NDC1: variants seen among roughly 807,000 people sequenced by gnomAD.
The protein encoded by NDC1 is NDC1 transmembrane nucleoporin, also known as nucleoporin NDC1.
Under a neutral mutation model 89.8 loss-of-function variants are expected in NDC1, and 24 were observed. The observed-to-expected ratio is 0.27, with a 90% CI of 0.19 to 0.38. NDC1 has a LOEUF of 0.38. NDC1 is among the 10% of genes least tolerant of loss of function. NDC1 has a pLI of 1.00. For missense variants in NDC1, 728 were observed against 797.6 expected, an observed-to-expected ratio of 0.91 and a Z score of 1.05; for synonymous variants, 296 against 284.8, an observed-to-expected ratio of 1.04 and a Z score of -0.39.
In NDC1 at chr1:53,807,669, A is replaced by G. The variant is rs1648157640; in HGVS notation, c.878T>C (p.Ile293Thr). 1 of 1,607,540 alleles carries G rather than the reference A, an allele frequency of 6.2e-7. No homozygotes were observed. The highest frequency in any genetic ancestry group is 2.2e-5 in the East Asian group (1 of 44,804). Reference sequence around the variant, plus strand: ...TAAAAAACATACCTCTGTGGCATAGATTTTGAAGAGTATCCATGAGACATA... The same window carrying G: ...TAAAAAACATACCTCTGTGGCATAGGTTTTGAAGAGTATCCATGAGACATA... ...TWYVSWILFKIYATEAHVFPV... is the reference protein window; with the variant it reads ...TWYVSWILFKTYATEAHVFPV... The change falls in exon 8 of 18, where the codon ATC (isoleucine) becomes ACC (threonine). Residue 293 changes from isoleucine (I) to threonine (T), a missense_variant. By Grantham distance (89) the Ile-to-Thr change is moderately conservative. Transcript: ENST00000371429.
chr1:53,802,045 A>C (rs1162483522), intron 10 of NDC1, among the ~76,000 whole-genome samples: 1 of 152,112 alleles, frequency 6.6e-6, no homozygotes, highest in African/African-American at 2.4e-5. Context: ...CATCCAATTA[A>C]ATTTTTTTTA....
chr1:53,771,746 T>C (rs917322858), intron 17 of NDC1, among the ~76,000 whole-genome samples: 6 of 152,232 alleles, frequency 3.9e-5, no homozygotes, highest in Admixed American at 3.3e-4. Context: ...ACAGTTTAGT[T>C]ACTAAGCTAG....
At chr1:53,810,334 C>T (rs910052004) in intron 6 of NDC1, among the ~76,000 whole-genome samples, 5 of 151,624 alleles carry the variant, frequency 3.3e-5, no homozygotes, top group African/African-American at 9.7e-5. Context: ...AGGGGAATTG[C>T]GCATGACCCC....
chr1:53,810,917 T>A (rs1648282735), intron 6 of NDC1, among the ~76,000 whole-genome samples: 1 of 152,172 alleles, frequency 6.6e-6, no homozygotes, highest in Non-Finnish European at 1.5e-5. Context: ...AGACTGCTCC[T>A]GAGGACCCGG....
At position 53,787,169 on chromosome 1, in the gene NDC1, T is replaced by A. The variant is rs1473257110; in HGVS notation, c.1789A>T (p.Thr597Ser). 2 of 1,599,022 alleles carry A rather than the reference T, an allele frequency of 1.3e-6. No homozygotes were observed. Among genetic ancestry groups the A allele is most frequent in the Non-Finnish European group, 1.7e-6 (2 of 1,170,224 alleles). The change falls in exon 16 of 18, where the codon ACA (threonine) becomes TCA (serine). Residue 597 changes from threonine (T) to serine (S), a missense_variant. Physicochemically the swap from Thr to Ser is moderately conservative, Grantham distance 58. Transcript: ENST00000371429. ...TLPAILNTLL[T>S]LQEAVDKYFK... ...CACAGATTTCTTACCTCTTGCAGTG[T>A]CAACAAAGTATTAAGGATAGCTGGT...
At chr1:53,816,855 T>C (rs1423980052) in intron 6 of NDC1, among the ~76,000 whole-genome samples, 3 of 152,044 alleles carry the variant, frequency 2.0e-5, no homozygotes, top group Admixed American at 1.3e-4. Flanking sequence ...GTCAATGACA[T>C]AGAAAATGAC....
intron 5 of NDC1, among the ~76,000 whole-genome samples, chr1:53,819,715 A>G (rs1453049495): frequency 2.6e-5 from 4 of 152,228 alleles, no homozygotes; most frequent in African/African-American, 9.6e-5. Flanking sequence ...GGAATCAAGA[A>G]TTGTGAGTTC....
rs1647949365 is a variant in NDC1 at position 53,802,318 on chromosome 1, AT to A, written c.1067-1471del. 2.6e-5 allele frequency among the ~76,000 whole-genome samples: 4 copies of A among 152,030 alleles called. No homozygotes were observed. In the South Asian group the frequency reaches 8.3e-4, roughly 32 times the overall value. On this transcript the variant is annotated intron_variant, in intron 10 of 17. Transcript: ENST00000371429. The stretch of plus-strand genomic sequence containing the variant: ...AACTATAGAAGGTTTATTATCTGGT[AT>A]TTTATCTGGTAATTGGCAAGCTTGG...
chr1:53,829,750 C>A (rs1648989811), intron 3 of NDC1, among the ~76,000 whole-genome samples: 1 of 152,196 alleles, frequency 6.6e-6, no homozygotes. Context: ...CAGAAGATGA[C>A]CCAAGCATAT....
chr1:53,789,144 C>A lies in NDC1; in HGVS notation c.1688G>T (p.Trp563Leu). Residue 563 changes from tryptophan to leucine, a missense_variant, in exon 15 of 18, where the codon TGG becomes TTG. By Grantham distance (61) the Trp-to-Leu change is moderately conservative. Transcript: ENST00000371429. Reference protein sequence around the residue: ...AVFSDAQMHIWALEGLSHLVA... With the variant: ...AVFSDAQMHILALEGLSHLVA... Reference sequence around the variant, plus strand: ...CAGTCATTGCTTACCTTCTAATGCCCAAATATGCATTTGGGCATCTGAAAA... The same window carrying A: ...CAGTCATTGCTTACCTTCTAATGCCAAAATATGCATTTGGGCATCTGAAAA... 1 of 1,603,468 alleles carries A rather than the reference C, an allele frequency of 6.2e-7. No individual in the cohort carries two copies.
At chr1:53,811,504 C>A (rs1648304171) in intron 6 of NDC1, among the ~76,000 whole-genome samples, 1 of 152,146 alleles carries the variant, frequency 6.6e-6, no homozygotes, top group Non-Finnish European at 1.5e-5. Context: ...CTTTCCCCCA[C>A]TTCCCTGACA....
At chr1:53,818,445 A>T (rs571350826) in intron 6 of NDC1, among the ~76,000 whole-genome samples, 149 of 151,944 alleles carry the variant, frequency 9.8e-4, no homozygotes, top group African/African-American at 3.5e-3. Context: ...AAAAAAAAAA[A>T]TTTACCATTT....
At chr1:53,807,234 G>A (rs1385658517) in intron 8 of NDC1, among the ~76,000 whole-genome samples, 3 of 112,840 alleles carry the variant, frequency 2.7e-5, no homozygotes, top group Non-Finnish European at 3.4e-5. Context: ...GTGACAGAGC[G>A]AGACCCTATC....
At chr1:53,782,903 G>A (rs1474035737) in intron 16 of NDC1, among the ~76,000 whole-genome samples, 19 of 152,122 alleles carry the variant, frequency 1.2e-4, no homozygotes, top group Non-Finnish European at 2.9e-5. Flanking sequence ...GTTATGTAAT[G>A]CAGTAATTAA....
intron 8 of NDC1, 28 bp from the exon 9 acceptor site, chr1:53,806,545 G>A (rs765902512): frequency 2.8e-5 from 38 of 1,370,798 alleles, no homozygotes; most frequent in Non-Finnish European, 3.6e-5. Context: ...AACCAAAAAT[G>A]ATTATTTTCA....
intron 16 of NDC1, among the ~76,000 whole-genome samples, chr1:53,784,026 A>G (rs1647247660): frequency 1.3e-5 from 2 of 152,168 alleles, no homozygotes; most frequent in Non-Finnish European, 2.9e-5. Flanking sequence ...AAGAACCAGA[A>G]ATTCTGATGG....
intron 14 of NDC1, among the ~76,000 whole-genome samples, chr1:53,789,755 C>T (rs541747696): frequency 7.4e-5 from 11 of 148,920 alleles, no homozygotes; most frequent in African/African-American, 2.0e-4. Flanking sequence ...GCTGAGATCG[C>T]GCCATTGCAC....
chr1:53,834,521 C>A, intron 2 of NDC1, among the ~76,000 whole-genome samples: 1 of 152,206 alleles, frequency 6.6e-6, no homozygotes, highest in East Asian at 1.9e-4. Context: ...TTGTGAAAAA[C>A]GAAATTAAAA....
Position 53,827,995 on chromosome 1 carries a change from T to A in NDC1, c.455+4A>T. 6.3e-7 allele frequency: 1 copy of A among 1,591,924 alleles called. No homozygotes were observed. The highest frequency in any genetic ancestry group is 8.6e-7 in the Non-Finnish European group (1 of 1,167,128). On this transcript the variant is annotated splice_donor_region_variant and intron_variant, in intron 4 of 17. Coordinates refer to ENST00000371429, the MANE Select transcript of NDC1 (RefSeq NM_018087.5). ...TTCCTAAGGAAATATATATTTAATATTACCTGTTAGTACCAGTGCAGGGAA... is the reference window on the plus strand; with the variant it reads ...TTCCTAAGGAAATATATATTTAATAATACCTGTTAGTACCAGTGCAGGGAA...
Sources: gnomAD v4.1 joint callset for allele counts (sites outside exome capture counted in the v4.1 genomes callset) on GRCh38, gnomAD v4.1.1 for gene constraint, MANE v1.5 for transcripts, NCBI Gene and HGNC (gene_info 2026-07-23, HGNC 2026-07-21) for gene names.